TCF12: variants seen among roughly 807,000 people sequenced by gnomAD.
The protein encoded by TCF12 is transcription factor 12.
Under a neutral mutation model 86.0 loss-of-function variants are expected in TCF12, and 45 were observed. The observed-to-expected ratio is 0.52, with a 90% confidence interval of 0.41 to 0.67. The LOEUF is 0.67. Among genes scored for constraint, TCF12 ranks in the 30% least tolerant of loss-of-function variants. The probability of loss-of-function intolerance (pLI) is 0.00; values close to 1 mark genes in which losing one functional copy is unlikely to be tolerated. For synonymous variants in TCF12, 330 were observed against 299.6 expected, an observed-to-expected ratio of 1.10 and a Z score of -1.05; for missense variants, 881 against 859.9, an observed-to-expected ratio of 1.02 and a Z score of -0.31.
intron 19 of TCF12, among the ~76,000 whole-genome samples, chr15:57,280,768 G>A (rs1227388582): frequency 6.6e-6 from 1 of 152,066 alleles, no homozygotes; most frequent in Non-Finnish European, 1.5e-5. Flanking sequence ...TGGTATATCG[G>A]CTATGCCCTC....
chr15:56,970,498 A>C (rs1287461812), intron 3 of TCF12, among the ~76,000 whole-genome samples: 6 of 150,854 alleles, frequency 4.0e-5, no homozygotes, highest in Admixed American at 6.6e-5. Context: ...AAAAAAAAAA[A>C]AAAACAAGAT....
chr15:57,059,079 C>T (rs1567337433), intron 3 of TCF12, among the ~76,000 whole-genome samples: 1 of 152,232 alleles, frequency 6.6e-6, no homozygotes, highest in Non-Finnish European at 1.5e-5. Flanking sequence ...GATCCCCCTA[C>T]AGCAGATGGC....
At chr15:57,107,695 G>T (rs147249649) in intron 5 of TCF12, among the ~76,000 whole-genome samples, 17 of 151,636 alleles carry the variant, frequency 1.1e-4, no homozygotes, top group African/African-American at 3.4e-4. Context: ...GACCAGCCTG[G>T]GTAACCTAAG....
At chr15:57,276,449 C>T (rs1421269072) in intron 19 of TCF12, among the ~76,000 whole-genome samples, 3 of 152,134 alleles carry the variant, frequency 2.0e-5, no homozygotes, top group Non-Finnish European at 4.4e-5. Context: ...GATGAAATAG[C>T]GAAAGCTGCA....
At position 57,253,160 on chromosome 15, in the gene TCF12, T is replaced by G. The variant is rs1597658135; in HGVS notation, c.1261-102T>G. ...TTTTGAAGCTACTTGATACTGCATTTCACTTGCTATCTTCCACATATCACA... is the reference window on the plus strand; with the variant it reads ...TTTTGAAGCTACTTGATACTGCATTGCACTTGCTATCTTCCACATATCACA... On this transcript the variant is annotated intron_variant, in intron 15 of 20. Transcript: ENST00000333725. The G allele has an allele frequency of 2.8e-5, 37 of 1,303,240 alleles. 1 individual carries two copies. In the South Asian group the frequency reaches 4.5e-4, roughly 16 times the overall value. The allele number at this position is 1,303,240 out of a possible 1,614,324, so 80.7% of individuals were successfully genotyped here. A position where few individuals can be genotyped will look rare whatever the true frequency, so the allele number is the denominator to read the frequency against.
chr15:57,081,773 T>C (rs1292892405), intron 4 of TCF12, among the ~76,000 whole-genome samples: 2 of 152,164 alleles, frequency 1.3e-5, no homozygotes, highest in African/African-American at 2.4e-5. Context: ...TTCACCATGT[T>C]GGCCAGGCTG....
At chr15:56,952,018 A>G (rs1350733083) in intron 3 of TCF12, among the ~76,000 whole-genome samples, 1 of 152,108 alleles carries the variant, frequency 6.6e-6, no homozygotes, top group Non-Finnish European at 1.5e-5. Flanking sequence ...ATTTTGTAAT[A>G]TGGTGTGACG....
At chr15:56,993,960 G>T (rs1033809687) in intron 3 of TCF12, among the ~76,000 whole-genome samples, 1 of 152,114 alleles carries the variant, frequency 6.6e-6, no homozygotes, top group African/African-American at 2.4e-5. Context: ...ATCTGACAGA[G>T]ATTTTATGGT....
At position 57,230,801 on chromosome 15, in the gene TCF12, A is replaced by G. The variant is rs1467794248; in HGVS notation, c.580-351A>G. 5.9e-5 allele frequency among the ~76,000 whole-genome samples: 9 copies of G among 152,112 alleles called. No homozygotes were observed. The East Asian group carries it at 1.5e-3, about 26-fold the overall frequency. On this transcript the variant is annotated intron_variant, in intron 8 of 20. Transcript: ENST00000333725. ...TTATGTTATGCTATATTGAAAGGAC[A>G]TTTGTTTGCTCGATCAGATTTTGAA...
chr15:57,285,015 T>G (rs539740141), intron 20 of TCF12, among the ~76,000 whole-genome samples: 2 of 152,358 alleles, frequency 1.3e-5, no homozygotes, highest in Non-Finnish European at 2.9e-5. Context: ...CTTTGTTCCA[T>G]AGATTGTATA....
intron 4 of TCF12, among the ~76,000 whole-genome samples, chr15:57,071,196 C>G (rs1268597291): frequency 6.6e-6 from 1 of 150,652 alleles, no homozygotes; most frequent in African/African-American, 2.5e-5. Context: ...TGCTTGAGCC[C>G]AAGAGTTTGA....
At chr15:57,222,555 A>G (rs2058647509) in intron 8 of TCF12, among the ~76,000 whole-genome samples, 1 of 151,814 alleles carries the variant, frequency 6.6e-6, no homozygotes, top group Non-Finnish European at 1.5e-5. Context: ...TATGAAAACT[A>G]AAACTATTTT....
chr15:57,252,363 T>C (rs2060156876), intron 14 of TCF12, 58 bp from the exon 15 acceptor site: 1 of 1,340,284 alleles, frequency 7.5e-7, no homozygotes, highest in African/African-American at 1.4e-5. Flanking sequence ...TTTCCTCATC[T>C]CTTTTGGAGT....
At chr15:56,979,349 T>TC (rs757326351) in intron 3 of TCF12, among the ~76,000 whole-genome samples, 1 of 152,206 alleles carries the variant, frequency 6.6e-6, no homozygotes, top group African/African-American at 2.4e-5. Context: ...AAAATATCTC[T>TC]CCCATTGACT....
intron 4 of TCF12, among the ~76,000 whole-genome samples, chr15:57,072,966 C>T (rs2151008297): frequency 6.6e-6 from 1 of 152,274 alleles, no homozygotes; most frequent in African/African-American, 2.4e-5. Flanking sequence ...GATGTAAGCA[C>T]CTTTAAATCT....
intron 5 of TCF12, among the ~76,000 whole-genome samples, chr15:57,122,112 A>T (rs1275877051): frequency 1.3e-5 from 2 of 150,212 alleles, no homozygotes; most frequent in Non-Finnish European, 3.0e-5. Flanking sequence ...AAAAAAAAAA[A>T]AACCACCCCC....
At chr15:56,978,864 T>C (rs2062748547) in intron 3 of TCF12, among the ~76,000 whole-genome samples, 1 of 152,212 alleles carries the variant, frequency 6.6e-6, no homozygotes. Flanking sequence ...ATAGAATTTC[T>C]GCAATGATGG....
chr15:57,208,854 TAC>T lies in TCF12; in HGVS notation c.579+11031_579+11032del, dbSNP rs1310329172. Among the ~76,000 whole-genome samples, 5 of 152,072 alleles carry T rather than the reference TAC, an allele frequency of 3.3e-5. No individual in the cohort carries two copies. In the East Asian group the frequency reaches 9.7e-4, roughly 29 times the overall value. ...CCTCAGCCTCCTGAGTAACTGGGAC[TAC>T]AGGCACATGCCACTACACCTGGCTA... On this transcript the variant is annotated intron_variant, in intron 8 of 20. Transcript: ENST00000333725.
chr15:56,940,249 G>A (rs1205695498), intron 3 of TCF12, among the ~76,000 whole-genome samples: 20 of 151,930 alleles, frequency 1.3e-4, no homozygotes, highest in African/African-American at 4.6e-4. Flanking sequence ...GAAGAAGATA[G>A]TCTTATTTAA....
Sources: allele counts gnomAD v4.1 joint callset (sites outside exome capture counted in the v4.1 genomes callset), GRCh38; gene constraint gnomAD v4.1.1; transcripts MANE v1.5; gene names NCBI Gene and HGNC (gene_info 2026-07-23, HGNC 2026-07-21).